Variants in ERO1B observed in about 807,000 individuals in gnomAD.
ERO1B encodes the protein endoplasmic reticulum oxidoreductase 1 beta.
A neutral mutation model predicts 75.3 loss-of-function variants in ERO1B; 49 were observed. That is an observed-to-expected ratio of 0.65 (90% CI 0.52 to 0.83). The LOEUF is 0.83. Among genes scored for constraint, ERO1B ranks in the 40% least tolerant of loss-of-function variants. ERO1B has a pLI of 0.00. For missense variants in ERO1B, 512 were observed against 560.1 expected, an observed-to-expected ratio of 0.91 and a Z score of 0.87; for synonymous variants, 191 against 192.9, an observed-to-expected ratio of 0.99 and a Z score of 0.08.
intron 6 of ERO1B, among the ~76,000 whole-genome samples, chr1:236,242,067 C>CA (rs11339161): frequency 0.05 from 6,614 of 132,880 alleles, 414 homozygotes; most frequent in East Asian, 0.36. Context: ...GACTCTGTCT[C>CA]AAAAAAAAAA....
intron 6 of ERO1B, among the ~76,000 whole-genome samples, chr1:236,237,728 G>A (rs1664578384): frequency 1.3e-5 from 2 of 152,118 alleles, no homozygotes; most frequent in African/African-American, 4.8e-5. Context: ...TTACCTGATG[G>A]TATATTTTCC....
chr1:236,280,745 A>G (rs976595803), intron 1 of ERO1B, among the ~76,000 whole-genome samples: 3 of 152,184 alleles, frequency 2.0e-5, no homozygotes, highest in Non-Finnish European at 2.9e-5. Context: ...ATGAGCACTA[A>G]TTGCTTCAAA....
At chr1:236,261,847 G>A (rs1665299967) in intron 2 of ERO1B, among the ~76,000 whole-genome samples, 1 of 152,180 alleles carries the variant, frequency 6.6e-6, no homozygotes, top group Non-Finnish European at 1.5e-5. Flanking sequence ...AGAGGTGGGA[G>A]GATCAGTTGA....
In ERO1B at chr1:236,217,959, A is replaced by G. The variant is rs1430899873; in HGVS notation, c.*557T>C. ...GGAATCTTCAGGAATTTCTGTAACT[A>G]TGCATTGAAAGGGCCATTCATCATG... On this transcript the variant is annotated 3_prime_UTR_variant, in exon 16 of 16. Coordinates refer to ENST00000354619, the MANE Select transcript of ERO1B (RefSeq NM_019891.4). 1.3e-5 allele frequency: 2 copies of G among 152,162 alleles called. No individual in the cohort carries two copies. The highest frequency in any genetic ancestry group is 4.8e-5 in the African/African-American group (2 of 41,458). 9.4% of individuals were successfully genotyped at this position (152,162 alleles called of 1,614,324 possible). A position where few individuals can be genotyped will look rare whatever the true frequency, so the allele number is the denominator to read the frequency against.
At chr1:236,280,245 AAG>A (rs1477129479) in intron 1 of ERO1B, among the ~76,000 whole-genome samples, 12 of 152,248 alleles carry the variant, frequency 7.9e-5, no homozygotes, top group Admixed American at 4.6e-4. Flanking sequence ...GCTATATAAA[AAG>A]AGAAAATGGG....
intron 14 of ERO1B, among the ~76,000 whole-genome samples, chr1:236,221,173 A>T (rs1446874984): frequency 6.6e-6 from 1 of 152,194 alleles, no homozygotes; most frequent in Non-Finnish European, 1.5e-5. Context: ...GAATAGTCTT[A>T]ACACTTATTG....
At position 236,218,587 on chromosome 1, in the gene ERO1B, A is replaced by G. The variant is rs779885849; in HGVS notation, c.1344-11T>C. 3.7e-6 allele frequency: 5 copies of G among 1,352,252 alleles called. No homozygotes were observed. In the Admixed American group the frequency reaches 1.1e-4, roughly 31 times the overall value. The allele number at this position is 1,352,252 out of a possible 1,614,324, so 83.8% of individuals were successfully genotyped here. A position where few individuals can be genotyped will look rare whatever the true frequency, so the allele number is the denominator to read the frequency against. ...ATACTTGTAGAAAGCCTATGGAAGA[A>G]AGAAAAAGCTTATTAGTAAGGCTAA... On this transcript the variant is annotated splice_polypyrimidine_tract_variant and intron_variant, in intron 15 of 15. Coordinates refer to ENST00000354619, the MANE Select transcript of ERO1B (RefSeq NM_019891.4).
At chr1:236,250,601 A>ATATATATATATATATATATATATAT (rs1558515525) in intron 4 of ERO1B, among the ~76,000 whole-genome samples, 3 of 63,948 alleles carry the variant, frequency 4.7e-5, no homozygotes, top group African/African-American at 1.7e-4. Flanking sequence ...ATATATATAT[A>ATATATATATATATATATATATATAT]TATATATATA....
chr1:236,268,108 G>T (rs1366714316), intron 2 of ERO1B: 1 of 152,148 alleles, frequency 6.6e-6, no homozygotes, highest in African/African-American at 2.4e-5. Context: ...TTGTACAGAG[G>T]AGAAACATAC....
intron 9 of ERO1B, 55 bp downstream of exon 9, chr1:236,232,773 T>C (rs1664440570): frequency 6.5e-7 from 1 of 1,545,520 alleles, no homozygotes; most frequent in South Asian, 1.2e-5. Context: ...CAAATTCTGA[T>C]TGTTACAAAA....
At position 236,240,996 on chromosome 1, in the gene ERO1B, CAA is replaced by C. The variant is rs568839734; in HGVS notation, c.505+2424_505+2425del. 9.8e-3 allele frequency among the ~76,000 whole-genome samples: 1,490 copies of C among 151,890 alleles called. 14 individuals carry two copies. Among genetic ancestry groups the C allele is most frequent in the South Asian group, 0.029 (142 of 4,816 alleles). On this transcript the variant is annotated intron_variant, in intron 6 of 15. Coordinates refer to ENST00000354619, the MANE Select transcript of ERO1B (RefSeq NM_019891.4). ...ATGATAAAGACAGTAACAACAACAA[CAA>C]AAAAGAGTGGTAGGGAAAGCAGTTT...
chr1:236,230,907 C>CA (rs1417246476), intron 9 of ERO1B, among the ~76,000 whole-genome samples: 3 of 151,136 alleles, frequency 2.0e-5, no homozygotes, highest in African/African-American at 7.3e-5. Context: ...CCAACCTGGG[C>CA]AACATAGCAA....
chr1:236,253,521 A>C lies in ERO1B; in HGVS notation c.223-16T>G. On this transcript the variant is annotated splice_polypyrimidine_tract_variant and intron_variant, in intron 2 of 15. Coordinates refer to ENST00000354619, the MANE Select transcript of ERO1B (RefSeq NM_019891.4). ...TCAGATTAACCTTGAAAGAAAGAACAAAGTTAGTAAACTCATATTATAGTT... is the reference window on the plus strand; with the variant it reads ...TCAGATTAACCTTGAAAGAAAGAACCAAGTTAGTAAACTCATATTATAGTT... 1 of 1,552,956 alleles carries C rather than the reference A, an allele frequency of 6.4e-7. No homozygotes were observed. The highest frequency in any genetic ancestry group is 8.9e-7 in the Non-Finnish European group (1 of 1,129,538).
intron 1 of ERO1B, among the ~76,000 whole-genome samples, chr1:236,279,997 G>A (rs1463622072): frequency 2.0e-5 from 3 of 152,046 alleles, no homozygotes; most frequent in Middle Eastern, 6.8e-3. Context: ...GAAATTAAAA[G>A]TACAGGGGCA....
intron 5 of ERO1B, among the ~76,000 whole-genome samples, chr1:236,249,089 G>T (rs893115867): frequency 1.3e-5 from 2 of 148,238 alleles, no homozygotes; most frequent in Non-Finnish European, 3.0e-5. Flanking sequence ...GCAACGGTGT[G>T]ATCTCAGCTC....
chr1:236,234,458 C>T (rs568361697), intron 8 of ERO1B, among the ~76,000 whole-genome samples: 68 of 152,206 alleles, frequency 4.5e-4, no homozygotes, highest in Non-Finnish European at 6.5e-4. Flanking sequence ...TCCCTTTTCA[C>T]TTTATATAAC....
chr1:236,242,835 T>G (rs1162268228), intron 6 of ERO1B, among the ~76,000 whole-genome samples: 1 of 152,154 alleles, frequency 6.6e-6, no homozygotes, highest in Non-Finnish European at 1.5e-5. Flanking sequence ...TTACCTTCTG[T>G]TAAGAGAAGT....
chr1:236,238,802 TGGACTAG>T (rs1247329538), intron 6 of ERO1B, among the ~76,000 whole-genome samples: 1 of 152,048 alleles, frequency 6.6e-6, no homozygotes, highest in Non-Finnish European at 1.5e-5. Flanking sequence ...ACGTGCAAAT[TGGACTAG>T]TACCAACCTC....
chr1:236,277,420 A>T (rs1453218245), intron 1 of ERO1B, among the ~76,000 whole-genome samples: 15 of 152,120 alleles, frequency 9.9e-5, no homozygotes, highest in Non-Finnish European at 1.9e-4. Context: ...AAAAAAAAAA[A>T]AAGAATGGAC....
Sources: allele counts gnomAD v4.1 joint callset (sites outside exome capture counted in the v4.1 genomes callset), GRCh38; gene constraint gnomAD v4.1.1; transcripts MANE v1.5; gene names NCBI Gene and HGNC (gene_info 2026-07-23, HGNC 2026-07-21).